Variants in CTBP1 observed in about 807,000 individuals in gnomAD.
CTBP1 encodes C-terminal-binding protein 1.
A neutral mutation model predicts 42.1 loss-of-function variants in CTBP1; 11 were observed. The ratio of observed to expected loss-of-function variants is 0.26; its 90% CI spans 0.16 to 0.43. The LOEUF is 0.43. Ranked by LOEUF, CTBP1 falls within the 20% of genes least tolerant of loss-of-function variation. The probability of loss-of-function intolerance (pLI) is 1.00; values close to 1 mark genes in which losing one functional copy is unlikely to be tolerated. For missense variants in CTBP1, 399 were observed against 624.3 expected (o/e 0.64, Z 3.85); for synonymous variants, 324 against 277.1 (o/e 1.17, Z -1.68).
intron 1 of CTBP1, among the ~76,000 whole-genome samples, chr4:1,246,874 T>G (rs536649008): frequency 1.3e-5 from 2 of 152,340 alleles, no homozygotes; most frequent in Non-Finnish European, 2.9e-5. Context: ...TGGTTAACAG[T>G]TGCTGTCTGC....
At chr4:1,220,959 A>T (rs1729671536) in intron 5 of CTBP1, among the ~76,000 whole-genome samples, 2 of 152,282 alleles carry the variant, frequency 1.3e-5, no homozygotes, top group Admixed American at 1.3e-4. Context: ...AAAACGGGTG[A>T]TACGCTGGGC....
At chr4:1,250,120 C>CATGGAGACGGAATG (rs1184627172), upstream of CTBP1, 3 of 163,504 alleles carry the variant, frequency 1.8e-5, no homozygotes, top group Admixed American at 1.2e-4. Context: ...GAAACCACGG[C>CATGGAGACGGAATG]ATGGAGACGG....
chr4:1,219,414 C>A (rs1729494826), intron 5 of CTBP1, among the ~76,000 whole-genome samples: 1 of 152,114 alleles, frequency 6.6e-6, no homozygotes, highest in Non-Finnish European at 1.5e-5. Context: ...AGACATACCA[C>A]ACAAACACTG....
chr4:1,247,352 T>C (rs1045583276), intron 1 of CTBP1, among the ~76,000 whole-genome samples: 1 of 151,952 alleles, frequency 6.6e-6, no homozygotes, highest in African/African-American at 2.4e-5. Flanking sequence ...AAGCAGGTGC[T>C]CAAAGATGGG....
At chr4:1,225,853 TC>T (rs1730281885) in intron 4 of CTBP1, among the ~76,000 whole-genome samples, 1 of 151,600 alleles carries the variant, frequency 6.6e-6, no homozygotes, top group African/African-American at 2.4e-5. Flanking sequence ...CCCTGACCCC[TC>T]CCGACTCAGC....
At chr4:1,228,870 C>A (rs1325316332) in intron 3 of CTBP1, among the ~76,000 whole-genome samples, 1 of 152,098 alleles carries the variant, frequency 6.6e-6, no homozygotes, top group Non-Finnish European at 1.5e-5. Flanking sequence ...CAGGCAGACG[C>A]CACCCAGCCG....
At chr4:1,244,696 C>T (rs1474558455) in intron 1 of CTBP1, 2 of 985,280 alleles carry the variant, frequency 2.0e-6, no homozygotes, top group African/African-American at 3.5e-5. Flanking sequence ...TCTCAGCGGC[C>T]CTCACCCTGC....
chr4:1,248,793 T>G (rs937374433), intron 1 of CTBP1, 123 bp downstream of exon 1: 177 of 942,638 alleles, frequency 1.9e-4, no homozygotes, highest in Middle Eastern at 5.5e-4. Context: ...GCACGCGCAC[T>G]CGCACACAAA....
intron 5 of CTBP1, among the ~76,000 whole-genome samples, chr4:1,221,230 A>G (rs1464443396): frequency 6.6e-6 from 1 of 152,228 alleles, no homozygotes; most frequent in Non-Finnish European, 1.5e-5. Flanking sequence ...TCAGGAAACT[A>G]TAGGTTAAAA....
At chr4:1,248,681 G>C (rs1272777593) in intron 1 of CTBP1, 2 of 983,064 alleles carry the variant, frequency 2.0e-6, no homozygotes, top group Non-Finnish European at 2.4e-6. Context: ...CGCGGGCGGG[G>C]AGAGCAGACT....
At chr4:1,222,239 A>G (rs889454713) in intron 5 of CTBP1, among the ~76,000 whole-genome samples, 1 of 152,070 alleles carries the variant, frequency 6.6e-6, no homozygotes, top group Admixed American at 6.5e-5. Flanking sequence ...GGTGTTCTGC[A>G]GTCAAGGGTG....
chr4:1,225,592 AC>A, intron 4 of CTBP1, 26 bp from the exon 5 acceptor site: 1 of 1,528,806 alleles, frequency 6.5e-7, no homozygotes. Flanking sequence ...CACGGCGGTC[AC>A]CCCCGGGCCG....
rs1048000873 is a variant in CTBP1, at chr4:1,233,805, C to T, written c.162+4378G>A. On this transcript the variant is annotated intron_variant, in intron 3 of 9. Coordinates refer to ENST00000382952, the MANE Select transcript of CTBP1 (RefSeq NM_001012614.2). This position sits in a 1 kb window ranked among gnomAD's most constrained non-coding sequence, Gnocchi z 4.6. ...CACTCAGACGGCGGCGACCTCCAAC[C>T]AGCTATGCGGGAAGTTTCTGCCCCA... is the stretch of plus-strand genomic sequence containing the variant. Among the ~76,000 whole-genome samples the T allele has an allele frequency of 6.6e-6, 1 of 152,256 alleles. No individual in the cohort carries two copies. Among genetic ancestry groups the T allele is most frequent in the Non-Finnish European group, 1.5e-5 (1 of 68,052 alleles).
intron 5 of CTBP1, chr4:1,218,556 G>A (rs1390632206): frequency 6.6e-6 from 1 of 152,200 alleles, no homozygotes; most frequent in African/African-American, 2.4e-5. Context: ...CAGAAAGGGT[G>A]GATGTGTCGG....
intron 1 of CTBP1, among the ~76,000 whole-genome samples, chr4:1,246,914 G>A (rs1397020463): frequency 2.6e-5 from 4 of 152,332 alleles, no homozygotes; most frequent in East Asian, 1.9e-4. Context: ...AGAGTGGGGG[G>A]CTCCCAGCCC....
At chr4:1,246,517 A>C (rs1367051446) in intron 1 of CTBP1, among the ~76,000 whole-genome samples, 1 of 152,222 alleles carries the variant, frequency 6.6e-6, no homozygotes, top group Non-Finnish European at 1.5e-5. Context: ...TGACTTGGGC[A>C]CTGCATGGGG....
intron 3 of CTBP1, among the ~76,000 whole-genome samples, chr4:1,234,050 G>A (rs959502132): frequency 6.6e-6 from 1 of 152,196 alleles, no homozygotes; most frequent in African/African-American, 2.4e-5. Context: ...AGGAGGGGAC[G>A]GCAGGGAGAG....
At chr4:1,231,925 G>A (rs780080518) in intron 3 of CTBP1, among the ~76,000 whole-genome samples, 13 of 152,264 alleles carry the variant, frequency 8.5e-5, no homozygotes, top group Admixed American at 6.5e-4. Context: ...TGCTGCACCT[G>A]TGAGAACCCA....
At chr4:1,230,510 C>A (rs930647066) in intron 3 of CTBP1, among the ~76,000 whole-genome samples, 2 of 152,154 alleles carry the variant, frequency 1.3e-5, no homozygotes, top group African/African-American at 4.8e-5. Context: ...CAGGGACAGG[C>A]CTGGTGCCAG....
Sources: allele counts gnomAD v4.1 joint callset (sites outside exome capture counted in the v4.1 genomes callset), GRCh38; gene constraint gnomAD v4.1.1; non-coding constraint Gnocchi (gnomAD v3.1); transcripts MANE v1.5; gene names NCBI Gene and HGNC (gene_info 2026-07-23, HGNC 2026-07-21).